Variants in PTP4A2 observed in about 807,000 individuals in gnomAD.
PTP4A2 encodes the protein protein tyrosine phosphatase 4A2, also known as protein tyrosine phosphatase type IVA 2.
A neutral mutation model predicts 22.9 loss-of-function variants in PTP4A2; 2 were observed. The ratio of observed to expected loss-of-function variants is 0.09; its 90% confidence interval spans 0.04 to 0.27. The LOEUF is 0.27. Among genes scored for constraint, PTP4A2 ranks in the 10% least tolerant of loss-of-function variants. The pLI is 1.00. For missense variants in PTP4A2, 103 were observed against 205.1 expected (o/e 0.50, Z 3.04); for synonymous variants, 68 against 69.1 (o/e 0.98, Z 0.08).
At chr1:31,914,925 T>C (rs1651744423) in intron 3 of PTP4A2, among the ~76,000 whole-genome samples, 1 of 152,212 alleles carries the variant, frequency 6.6e-6, no homozygotes, top group South Asian at 2.1e-4. Context: ...TATCAGAAAC[T>C]ATGCTGATTA....
chr1:31,920,896 T>C (rs543971424), intron 1 of PTP4A2, among the ~76,000 whole-genome samples: 12 of 152,284 alleles, frequency 7.9e-5, no homozygotes. Flanking sequence ...GATGGTTAGG[T>C]CCTTCACATA....
intron 1 of PTP4A2, among the ~76,000 whole-genome samples, chr1:31,920,041 G>T (rs554096690): frequency 6.9e-6 from 1 of 145,710 alleles, no homozygotes; most frequent in African/African-American, 2.6e-5. Flanking sequence ...CAGGAGAATC[G>T]CTTGAACCCG....
chr1:31,938,358 C>T lies in PTP4A2; in HGVS notation c.-965G>A, dbSNP rs974019020. 6 of 149,164 alleles carry T rather than the reference C, an allele frequency of 4.0e-5. No individual in the cohort carries two copies. The highest frequency in any genetic ancestry group is 1.5e-5 in the Non-Finnish European group (1 of 66,670). 9.2% of individuals were successfully genotyped at this position (149,164 alleles called of 1,614,324 possible). A position where few individuals can be genotyped will look rare whatever the true frequency, so the allele number is the denominator to read the frequency against. On this transcript the variant is annotated 5_prime_UTR_variant, in exon 1 of 6. Coordinates refer to ENST00000647444, the MANE Select transcript of PTP4A2 (RefSeq NM_080391.4). The surrounding 1 kb of genome is among the most constrained non-coding windows in gnomAD (Gnocchi z 4.4). ...TCGCGCCGCCACCACCACCGCTGCG[C>T]GCGCAGCCGGAACCAGCTCCCGCCG...
intron 1 of PTP4A2, among the ~76,000 whole-genome samples, chr1:31,935,138 C>T (rs970613460): frequency 6.6e-6 from 1 of 152,198 alleles, no homozygotes; most frequent in Non-Finnish European, 1.5e-5. Context: ...GTGGTAAGTT[C>T]TAGTTCACTC....
At chr1:31,910,133 G>T in intron 4 of PTP4A2, 21 bp from the exon 5 acceptor site, 4 of 1,588,986 alleles carry the variant, frequency 2.5e-6, no homozygotes, top group Non-Finnish European at 3.5e-6. Context: ...AAACCTGTAT[G>T]TAAGTATCCA....
rs1246685763 is a variant in PTP4A2 at position 31,919,650 on chromosome 1, A to G, written c.-585T>C. On this transcript the variant is annotated 5_prime_UTR_variant, in exon 2 of 6. Transcript: ENST00000647444. ...CCATAAATGTGCAACGTATATTCCA[A>G]CGAAAAACCTGGAGAAGAAAAGAAT... 6.5e-6 allele frequency: 1 copy of G among 152,690 alleles called. No individual in the cohort carries two copies. Among genetic ancestry groups the G allele is most frequent in the Non-Finnish European group, 1.5e-5 (1 of 68,052 alleles). The allele number at this position is 152,690 out of a possible 1,614,324, so 9.5% of individuals were successfully genotyped here.
At chr1:31,914,257 G>A (rs541210257) in intron 3 of PTP4A2, 43 of 455,818 alleles carry the variant, frequency 9.4e-5, no homozygotes, top group South Asian at 6.1e-4. Flanking sequence ...CGGAGAGACA[G>A]GGTTTCACCA....
Position 31,918,982 on chromosome 1 carries a change from G to A in PTP4A2, c.84C>T (p.Asn28=), listed in dbSNP as rs1473597264. 6.3e-7 allele frequency: 1 copy of A among 1,579,568 alleles called. No homozygotes were observed. Residue 28 remains asparagine (N), a synonymous_variant, in exon 2 of 6, where the codon AAC becomes AAT. Coordinates refer to ENST00000647444, the MANE Select transcript of PTP4A2 (RefSeq NM_080391.4). ...GCCACAATCTTACCTCTGTGAACTT[G>A]TTGAGAGTAGCATTGGTAGGGTTGT... ...ITHNPTNATL[N]KFTEELKKYG...
At chr1:31,916,081 C>T in intron 2 of PTP4A2, 94 bp from the exon 3 acceptor site, 3 of 795,716 alleles carry the variant, frequency 3.8e-6, no homozygotes, top group Non-Finnish European at 5.9e-6. Flanking sequence ...CGGGGTGGTT[C>T]ACGCCTATAA....
At chr1:31,921,688 G>A (rs1335365348) in intron 1 of PTP4A2, 2 of 152,222 alleles carry the variant, frequency 1.3e-5, no homozygotes, top group East Asian at 3.9e-4. Context: ...TTATTTAGAA[G>A]TCTCTAAAAA....
At chr1:31,931,001 C>T (rs910973369) in intron 1 of PTP4A2, 7 of 152,196 alleles carry the variant, frequency 4.6e-5, no homozygotes, top group African/African-American at 1.4e-4. Flanking sequence ...CAATCTTTCT[C>T]GTCCTCTTCC....
rs1651228677 is a variant in PTP4A2, at chr1:31,907,371, CA to C, written c.*1480del. 6.6e-6 allele frequency: 1 copy of C among 152,156 alleles called. No homozygotes were observed. The highest frequency in any genetic ancestry group is 2.4e-5 in the African/African-American group (1 of 41,432). 9.4% of individuals were successfully genotyped at this position (152,156 alleles called of 1,614,324 possible). ...GCAGCCTGATCATAACTGCCTTCCA[CA>C]AAGGAGCAGAAAAACAGCTTTTCTA... On this transcript the variant is annotated 3_prime_UTR_variant, in exon 6 of 6. Transcript: ENST00000647444.
intron 1 of PTP4A2, among the ~76,000 whole-genome samples, chr1:31,930,644 T>A (rs1173210013): frequency 1.3e-5 from 2 of 152,210 alleles, no homozygotes; most frequent in Non-Finnish European, 2.9e-5. Flanking sequence ...CTAAACTTGC[T>A]TTTTATAAAT....
intron 1 of PTP4A2, among the ~76,000 whole-genome samples, chr1:31,929,696 T>C (rs1196099375): frequency 2.0e-5 from 3 of 152,234 alleles, no homozygotes; most frequent in Non-Finnish European, 2.9e-5. Flanking sequence ...ATTTAAGTCT[T>C]AATCATTTTA....
intron 2 of PTP4A2, among the ~76,000 whole-genome samples, chr1:31,918,166 G>A (rs927212156): frequency 1.3e-5 from 2 of 151,444 alleles, no homozygotes; most frequent in Admixed American, 6.6e-5. Flanking sequence ...GGAGAATGGC[G>A]TGAACCCGGG....
In PTP4A2 at chr1:31,918,056, T is replaced by A. The variant is rs148585197; in HGVS notation, c.96+914A>T. ...CAAGGTCAGGAGATCAAGACCATCC[T>A]GGCTAACATGGTGAAATCCCGTCTC... On this transcript the variant is annotated intron_variant, in intron 2 of 5. Coordinates refer to ENST00000647444, the MANE Select transcript of PTP4A2 (RefSeq NM_080391.4). Among the ~76,000 whole-genome samples the A allele has an allele frequency of 2.7e-3, 410 of 151,858 alleles. 3 individuals carry two copies. The highest frequency in any genetic ancestry group is 9.7e-3 in the African/African-American group (402 of 41,362).
Position 31,919,137 on chromosome 1 carries a change from T to C in PTP4A2, c.-72A>G, listed in dbSNP as rs752916406. Reference sequence around the variant, plus strand: ...AGTGAAAAAAAAAAATCAATAAATCTTGAAATGTTTCACAGCAGAAAACAT... The same window carrying C: ...AGTGAAAAAAAAAAATCAATAAATCCTGAAATGTTTCACAGCAGAAAACAT... On this transcript the variant is annotated 5_prime_UTR_variant, in exon 2 of 6. Coordinates refer to ENST00000647444, the MANE Select transcript of PTP4A2 (RefSeq NM_080391.4). 1.7e-5 allele frequency: 13 copies of C among 767,274 alleles called. No individual in the cohort carries two copies. The highest frequency in any genetic ancestry group is 2.7e-5 in the Non-Finnish European group (12 of 448,506). The allele number at this position is 767,274 out of a possible 1,614,324, so 47.5% of individuals were successfully genotyped here.
At chr1:31,916,176 C>G (rs1322228750) in intron 2 of PTP4A2, among the ~76,000 whole-genome samples, 189 bp from the exon 3 acceptor site, 1 of 151,342 alleles carries the variant, frequency 6.6e-6, no homozygotes. Context: ...GAAACCCCGT[C>G]TCTATTAAAA....
At chr1:31,913,832 TCA>T (rs1557861807) in intron 3 of PTP4A2, 1 of 456,286 alleles carries the variant, frequency 2.2e-6, no homozygotes, top group South Asian at 1.5e-5. Flanking sequence ...AGTCATTTTC[TCA>T]CTCTGCCATC....
Sources: gnomAD v4.1 joint callset for allele counts (sites outside exome capture counted in the v4.1 genomes callset) on GRCh38, gnomAD v4.1.1 for gene constraint, Gnocchi (gnomAD v3.1) non-coding constraint, MANE v1.5 for transcripts, NCBI Gene and HGNC (gene_info 2026-07-23, HGNC 2026-07-21) for gene names.